Variants in SGCD observed in about 807,000 individuals in gnomAD.
The protein encoded by SGCD is sarcoglycan delta, also known as delta-sarcoglycan.
Under a neutral mutation model 36.6 loss-of-function variants are expected in SGCD, and 18 were observed. The observed-to-expected ratio is 0.49, with a 90% CI of 0.34 to 0.73. SGCD has a LOEUF of 0.73. SGCD is among the 30% of genes least tolerant of loss of function. The pLI is 0.01. For synonymous variants in SGCD, 133 were observed against 130.6 expected (o/e 1.02, Z -0.12); for missense variants, 387 against 346.7 (o/e 1.12, Z -0.92).
At chr5:155,741,578 G>A in the SGCD span, among the ~76,000 whole-genome samples, 1 of 151,900 alleles carries the variant, frequency 6.6e-6, no homozygotes. Flanking sequence ...ATGCTGGTCA[G>A]TTGTGCCTGA....
chr5:155,760,117 A>C, the SGCD span, among the ~76,000 whole-genome samples: 9 of 135,490 alleles, frequency 6.6e-5, no homozygotes, highest in African/African-American at 1.1e-4. Flanking sequence ...CTCTCCATCA[A>C]CCTCTCCATC....
At chr5:156,486,201 G>T (rs944831793) in intron 3 of SGCD, among the ~76,000 whole-genome samples, 1 of 152,036 alleles carries the variant, frequency 6.6e-6, no homozygotes, top group African/African-American at 2.4e-5. Context: ...AAACCTGTGT[G>T]TCACAGTTTT....
At chr5:156,625,883 G>C (rs73301123) in intron 6 of SGCD, among the ~76,000 whole-genome samples, 5,460 of 152,216 alleles carry the variant, frequency 0.036, 323 homozygotes, top group African/African-American at 0.12. Flanking sequence ...TCTGAGGATG[G>C]GGTTAGTCTG....
rs757067183 is a variant in SGCD at position 156,185,368 on chromosome 5, C to CAA, written c.-44+61349_-44+61350insAA. On this transcript the variant is annotated intron_variant, in intron 3 of 9. Coordinates refer to the SGCD transcript ENST00000517913. ...TAGCTGGGACTACAGGCGCCCGCCA[C>CAA]CATGCCCGGCAAATTTTTTGTATTT... is the stretch of plus-strand genomic sequence containing the variant. 8.7e-3 allele frequency among the ~76,000 whole-genome samples: 1,321 copies of CAA among 151,968 alleles called. 9 individuals carry two copies. Among genetic ancestry groups the CAA allele is most frequent in the Non-Finnish European group, 0.014 (983 of 67,948 alleles).
chr5:155,848,836 G>A, the SGCD span, among the ~76,000 whole-genome samples: 3 of 152,140 alleles, frequency 2.0e-5, no homozygotes, highest in Non-Finnish European at 4.4e-5. Flanking sequence ...AGATAAGGAA[G>A]GAAAGGGCCA....
At chr5:155,862,012 C>T in the SGCD span, among the ~76,000 whole-genome samples, 2 of 151,816 alleles carry the variant, frequency 1.3e-5, no homozygotes, top group Non-Finnish European at 2.9e-5. Flanking sequence ...ATGTAAGCAG[C>T]GTGGGTGATG....
chr5:156,122,615 G>T (rs1272152208), intron 2 of SGCD, among the ~76,000 whole-genome samples: 1 of 151,826 alleles, frequency 6.6e-6, no homozygotes, highest in African/African-American at 2.4e-5. Context: ...AAGAGTGGAA[G>T]ATGAGGACGG....
At chr5:156,692,514 A>G (rs1251259327) in intron 7 of SGCD, among the ~76,000 whole-genome samples, 1 of 152,202 alleles carries the variant, frequency 6.6e-6, no homozygotes. Flanking sequence ...CATATACAAA[A>G]GAGACAATGG....
chr5:156,627,504 G>A (rs909676879), intron 6 of SGCD, among the ~76,000 whole-genome samples: 8 of 152,164 alleles, frequency 5.3e-5, no homozygotes, highest in African/African-American at 1.9e-4. Context: ...ATGATCCAGA[G>A]AGGATTTCCT....
intron 6 of SGCD, among the ~76,000 whole-genome samples, chr5:156,616,881 G>A (rs900018556): frequency 2.6e-5 from 4 of 152,110 alleles, no homozygotes; most frequent in African/African-American, 9.7e-5. Flanking sequence ...GTCTGTCTGT[G>A]GTTGCTTTTG....
At chr5:156,571,344 G>T (rs1342205427) in intron 4 of SGCD, among the ~76,000 whole-genome samples, 2 of 152,146 alleles carry the variant, frequency 1.3e-5, no homozygotes, top group East Asian at 3.9e-4. Context: ...ACTGTGCCTG[G>T]CCCTTCTTTT....
chr5:155,790,187 A>G, the SGCD span, among the ~76,000 whole-genome samples: 1 of 152,064 alleles, frequency 6.6e-6, no homozygotes, highest in Admixed American at 6.6e-5. Context: ...TTAAGATATT[A>G]CCATAGGTCT....
intron 3 of SGCD, among the ~76,000 whole-genome samples, chr5:156,295,191 C>T (rs762164237): frequency 1.3e-5 from 2 of 152,054 alleles, no homozygotes; most frequent in African/African-American, 2.4e-5. Context: ...TTCTGCCTGG[C>T]TTAATCTTGG....
chr5:156,046,131 C>G (rs144961992), intron 1 of SGCD, among the ~76,000 whole-genome samples: 1 of 152,068 alleles, frequency 6.6e-6, no homozygotes, highest in African/African-American at 2.4e-5. Flanking sequence ...CCATTTTGCT[C>G]CAGTCCAGCT....
chr5:155,842,844 T>G, the SGCD span, among the ~76,000 whole-genome samples: 3 of 152,228 alleles, frequency 2.0e-5, no homozygotes, highest in African/African-American at 7.2e-5. Flanking sequence ...TATTTGACTG[T>G]TCTTAAAAAT....
intron 3 of SGCD, among the ~76,000 whole-genome samples, chr5:156,373,124 A>G (rs1770478374): frequency 6.6e-6 from 1 of 152,334 alleles, no homozygotes; most frequent in Non-Finnish European, 1.5e-5. Context: ...CTGTCCAGAC[A>G]TTAGAGTAGG....
chr5:155,836,936 G>A, the SGCD span, among the ~76,000 whole-genome samples: 3 of 152,070 alleles, frequency 2.0e-5, no homozygotes, highest in East Asian at 5.8e-4. Flanking sequence ...AAGGAGTTTG[G>A]GTGAAAACAT....
intron 3 of SGCD, among the ~76,000 whole-genome samples, chr5:156,127,831 G>C (rs1293946978): frequency 1.2e-5 from 1 of 84,664 alleles, no homozygotes; most frequent in Non-Finnish European, 2.2e-5. Context: ...GTTTGAGTCA[G>C]AGAACAGACT....
At chr5:156,467,041 G>T (rs1754750661) in intron 3 of SGCD, among the ~76,000 whole-genome samples, 1 of 152,058 alleles carries the variant, frequency 6.6e-6, no homozygotes, top group African/African-American at 2.4e-5. Flanking sequence ...AGGCTTTGCA[G>T]GCCAGATGGT....
Sources: allele counts gnomAD v4.1 joint callset (sites outside exome capture counted in the v4.1 genomes callset), GRCh38; gene constraint gnomAD v4.1.1; transcripts MANE v1.5; gene names NCBI Gene and HGNC (gene_info 2026-07-23, HGNC 2026-07-21).